Variants in MAP4K4 observed in about 807,000 individuals in gnomAD.
The protein encoded by MAP4K4 is HPK/GCK-like kinase HGK.
Under a neutral mutation model 189.6 loss-of-function variants are expected in MAP4K4, and 38 were observed. That is an observed-to-expected ratio of 0.20 (90% CI 0.15 to 0.26). The LOEUF is 0.26. MAP4K4 is among the 10% of genes least tolerant of loss of function. The probability of loss-of-function intolerance (pLI) is 1.00; values close to 1 mark genes in which losing one functional copy is unlikely to be tolerated. For synonymous variants in MAP4K4, 610 were observed against 624.3 expected (o/e 0.98, Z 0.34); for missense variants, 1,054 against 1,726.9 (o/e 0.61, Z 6.91).
intron 2 of MAP4K4, among the ~76,000 whole-genome samples, chr2:101,771,709 T>C (rs2081534989): frequency 6.6e-6 from 1 of 152,234 alleles, no homozygotes; most frequent in Non-Finnish European, 1.5e-5. Flanking sequence ...CAGCAATTAA[T>C]GAGGCCAGAT....
At chr2:101,875,484 A>G (rs1341534864) in intron 26 of MAP4K4, among the ~76,000 whole-genome samples, 1 of 152,130 alleles carries the variant, frequency 6.6e-6, no homozygotes, top group African/African-American at 2.4e-5. Flanking sequence ...AGGACCAGGC[A>G]TGAACAGAGA....
intron 2 of MAP4K4, among the ~76,000 whole-genome samples, chr2:101,760,045 T>C (rs1293342501): frequency 6.6e-6 from 1 of 151,964 alleles, no homozygotes; most frequent in Non-Finnish European, 1.5e-5. Flanking sequence ...GGGGTTTCAC[T>C]ATGTTGGCCA....
intron 3 of MAP4K4, among the ~76,000 whole-genome samples, chr2:101,803,245 A>ATGTGTGTGTGTGTG (rs6146862): frequency 0.012 from 1,778 of 150,312 alleles, 27 homozygotes; most frequent in African/African-American, 0.039. Flanking sequence ...GATGATGATG[A>ATGTGTGTGTGTGTG]TGTGTGTGTG....
chr2:101,703,542 T>C (rs563703068), intron 2 of MAP4K4, among the ~76,000 whole-genome samples: 2 of 137,928 alleles, frequency 1.5e-5, no homozygotes, highest in Admixed American at 8.3e-5. Context: ...CGCTTGAACC[T>C]AGGAGGTGGA....
intron 7 of MAP4K4, among the ~76,000 whole-genome samples, chr2:101,832,792 A>T (rs1442797181): frequency 3.0e-5 from 2 of 65,858 alleles, no homozygotes; most frequent in African/African-American, 5.9e-5. Flanking sequence ...CCCCACCCCC[A>T]CCCGATGTTT....
chr2:101,870,520 A>G, intron 23 of MAP4K4, 105 bp downstream of exon 23: 1 of 1,483,722 alleles, frequency 6.7e-7, no homozygotes, highest in Non-Finnish European at 9.1e-7. Flanking sequence ...ATCTGTTTTC[A>G]TGTTAACAAG....
intron 2 of MAP4K4, among the ~76,000 whole-genome samples, chr2:101,731,364 C>G (rs1333343058): frequency 6.6e-6 from 1 of 151,916 alleles, no homozygotes; most frequent in African/African-American, 2.4e-5. Context: ...GATCCGCCTG[C>G]CTTGGCCATC....
intron 2 of MAP4K4, among the ~76,000 whole-genome samples, chr2:101,730,946 C>T (rs2058179962): frequency 6.6e-6 from 1 of 151,452 alleles, no homozygotes; most frequent in Non-Finnish European, 1.5e-5. Flanking sequence ...ACTCGGGAGC[C>T]TGCGCAGGAG....
At chr2:101,754,789 A>G (rs1196839886) in intron 2 of MAP4K4, among the ~76,000 whole-genome samples, 1 of 152,242 alleles carries the variant, frequency 6.6e-6, no homozygotes, top group African/African-American at 2.4e-5. Flanking sequence ...AGTCCTCAGC[A>G]GCTCCATGTT....
At chr2:101,894,283 A>G (rs2098600766) in exon 33 of MAP4K4, 1 of 152,578 alleles carries the variant, frequency 6.6e-6, no homozygotes, top group Non-Finnish European at 1.5e-5. Flanking sequence ...TTTCACAAGT[A>G]ATAACCTTTC....
At chr2:101,746,991 C>T (rs972495909) in intron 2 of MAP4K4, among the ~76,000 whole-genome samples, 2 of 152,124 alleles carry the variant, frequency 1.3e-5, no homozygotes, top group African/African-American at 4.8e-5. Flanking sequence ...CTCTTTCGCT[C>T]AGATGCAGGT....
intron 3 of MAP4K4, among the ~76,000 whole-genome samples, chr2:101,814,202 AC>A (rs1157328678): frequency 3.3e-5 from 5 of 152,362 alleles, no homozygotes; most frequent in Middle Eastern, 3.4e-3. Flanking sequence ...TAGATGCAGT[AC>A]GACATAGCCA....
intron 30 of MAP4K4, 110 bp from the exon 31 acceptor site, chr2:101,887,668 A>T (rs1166741011): frequency 5.4e-6 from 4 of 739,356 alleles, no homozygotes; most frequent in African/African-American, 1.8e-5. Flanking sequence ...TGCTGTATTT[A>T]TCTTCAGAGA....
Position 101,799,519 on chromosome 2 carries a change from G to C in MAP4K4, c.180+8743G>C, listed in dbSNP as rs963898296. 3.3e-5 allele frequency among the ~76,000 whole-genome samples: 5 copies of C among 151,456 alleles called. No individual in the cohort carries two copies. In the East Asian group the frequency reaches 9.7e-4, roughly 29 times the overall value. On this transcript the variant is annotated intron_variant, in intron 3 of 32. Coordinates refer to ENST00000324219, the Ensembl canonical transcript of MAP4K4. Reference sequence around the variant, plus strand: ...CCCCTCTGTGGTTACAGCCATCACTGTTTGGTCCTTTGATAACTACCTTTG... The same window carrying C: ...CCCCTCTGTGGTTACAGCCATCACTCTTTGGTCCTTTGATAACTACCTTTG...
At chr2:101,802,207 C>T (rs1406729260) in intron 3 of MAP4K4, among the ~76,000 whole-genome samples, 1 of 152,170 alleles carries the variant, frequency 6.6e-6, no homozygotes, top group Non-Finnish European at 1.5e-5. Flanking sequence ...GTGCTGCCAC[C>T]CTTGGCTACC....
At chr2:101,758,375 T>C (rs1443628854) in intron 2 of MAP4K4, among the ~76,000 whole-genome samples, 1 of 152,178 alleles carries the variant, frequency 6.6e-6, no homozygotes, top group African/African-American at 2.4e-5. Flanking sequence ...TATAGTATAG[T>C]TCACCTTTGA....
intron 3 of MAP4K4, among the ~76,000 whole-genome samples, chr2:101,810,528 A>G (rs1192140261): frequency 6.6e-6 from 1 of 152,060 alleles, no homozygotes; most frequent in Non-Finnish European, 1.5e-5. Flanking sequence ...TAAAAGCACA[A>G]AGGTCTCCAG....
At chr2:101,819,317 T>G (rs2095900257) in intron 3 of MAP4K4, among the ~76,000 whole-genome samples, 1 of 152,198 alleles carries the variant, frequency 6.6e-6, no homozygotes, top group Admixed American at 6.5e-5. Context: ...GATTCATTAT[T>G]ACCCTACTCT....
intron 24 of MAP4K4, among the ~76,000 whole-genome samples, chr2:101,872,545 T>C (rs1368865806): frequency 6.6e-6 from 1 of 152,188 alleles, no homozygotes. Context: ...TTGGTTTAAG[T>C]GTCTTTATCT....
Sources: allele counts gnomAD v4.1 joint callset (sites outside exome capture counted in the v4.1 genomes callset), GRCh38; gene constraint gnomAD v4.1.1; transcripts MANE v1.5; gene names NCBI Gene and HGNC (gene_info 2026-07-23, HGNC 2026-07-21).